The following MYO9A variants were observed in gnomAD, a reference collection of about 807,000 sequenced individuals.
The protein encoded by MYO9A is unconventional myosin-IXa.
In MYO9A, 103 loss-of-function variants were observed where a neutral mutation model predicts 293.3. The ratio of observed to expected loss-of-function variants is 0.35; its 90% CI spans 0.30 to 0.41. The LOEUF is 0.41. Among genes scored for constraint, MYO9A ranks in the 10% least tolerant of loss-of-function variants. The pLI, the probability that MYO9A is intolerant of heterozygous loss-of-function variation, is 1.00. For synonymous variants in MYO9A, 1,001 were observed against 1,035.7 expected, an observed-to-expected ratio of 0.97 and a Z score of 0.64; for missense variants, 2,685 against 3,033.0, an observed-to-expected ratio of 0.89 and a Z score of 2.69.
intron 13 of MYO9A, among the ~76,000 whole-genome samples, chr15:71,961,743 T>C (rs2075750521): frequency 6.6e-6 from 1 of 152,140 alleles, no homozygotes; most frequent in African/African-American, 2.4e-5. Context: ...ATTTTTTTTT[T>C]TAAACAAGGT....
At chr15:72,005,459 G>A (rs1367474886) in intron 8 of MYO9A, among the ~76,000 whole-genome samples, 1 of 152,162 alleles carries the variant, frequency 6.6e-6, no homozygotes, top group East Asian at 1.9e-4. Context: ...ACAATGCCCT[G>A]TCACAATACC....
chr15:72,094,173 G>C lies in MYO9A; in HGVS notation c.-72+23507C>G, dbSNP rs2080005835. Among the ~76,000 whole-genome samples, 2 of 88,664 alleles carry C rather than the reference G, an allele frequency of 2.3e-5. 1 individual carries two copies. The highest frequency in any genetic ancestry group is 6.8e-5 in the Non-Finnish European group (2 of 29,338). The allele number at this position is 88,664 out of a possible 152,430, so 58.2% of individuals were successfully genotyped here. A position where few individuals can be genotyped will look rare whatever the true frequency, so the allele number is the denominator to read the frequency against. On this transcript the variant is annotated intron_variant, in intron 1 of 41. Transcript: ENST00000356056. ...TGCAGTGAGCTATGATCACACCACT[G>C]CACTCCAGCTGGGAAACAGAGCAAG...
chr15:72,008,474 T>TGTGTGTGA lies in MYO9A; in HGVS notation c.1254-523_1254-522insTCACACAC, dbSNP rs1555403671. 3.7e-4 allele frequency among the ~76,000 whole-genome samples: 54 copies of TGTGTGTGA among 144,626 alleles called. 1 individual carries two copies. The highest frequency in any genetic ancestry group is 1.3e-3 in the African/African-American group (50 of 38,118). The allele number at this position is 144,626 out of a possible 152,430, so 94.9% of individuals were successfully genotyped here. A position where few individuals can be genotyped will look rare whatever the true frequency, so the allele number is the denominator to read the frequency against. On this transcript the variant is annotated intron_variant, in intron 7 of 41. Coordinates refer to ENST00000356056, the MANE Select transcript of MYO9A (RefSeq NM_006901.4). ...GTGTGTGTGTGTGTGTGTGTGTGTG[T>TGTGTGTGA]GAATGGGGTAAATGGGTGTGTGTGT...
intron 11 of MYO9A, among the ~76,000 whole-genome samples, chr15:71,985,241 C>T (rs2076380464): frequency 6.6e-6 from 1 of 152,018 alleles, no homozygotes; most frequent in Non-Finnish European, 1.5e-5. Context: ...GGTTTTTATT[C>T]ATGCTGGTTT....
intron 8 of MYO9A, among the ~76,000 whole-genome samples, chr15:72,004,029 A>G (rs1048409154): frequency 6.6e-5 from 10 of 152,220 alleles, no homozygotes; most frequent in Non-Finnish European, 1.5e-4. Context: ...AGATCTACGC[A>G]TACCCACACA....
At chr15:71,968,203 G>T in intron 12 of MYO9A, 78 bp from the exon 13 acceptor site, 1 of 1,214,852 alleles carries the variant, frequency 8.2e-7, no homozygotes, top group Non-Finnish European at 1.1e-6. Context: ...CCTTTTCAAA[G>T]TACATTACAA....
intron 28 of MYO9A, among the ~76,000 whole-genome samples, chr15:71,881,987 C>A (rs2056885231): frequency 6.6e-6 from 1 of 152,178 alleles, no homozygotes; most frequent in Non-Finnish European, 1.5e-5. Flanking sequence ...CATTTCTCAA[C>A]TGATAGAAGC....
intron 18 of MYO9A, among the ~76,000 whole-genome samples, chr15:71,926,709 C>T (rs996996644): frequency 6.6e-6 from 1 of 152,120 alleles, no homozygotes; most frequent in Non-Finnish European, 1.5e-5. Context: ...TGGGGAAAGC[C>T]GCCACACAAG....
chr15:71,898,072 A>G lies in MYO9A; in HGVS notation c.4431T>C (p.Ser1477=), dbSNP rs1167608965. 2.5e-6 allele frequency: 4 copies of G among 1,614,172 alleles called. No individual in the cohort carries two copies. The highest frequency in any genetic ancestry group is 1.7e-5 in the Admixed American group (1 of 60,012). The change falls in exon 25 of 42, where the codon TCT becomes TCC. Residue 1477 remains serine (S), a synonymous_variant. Coordinates refer to ENST00000356056, the MANE Select transcript of MYO9A (RefSeq NM_006901.4). The stretch of plus-strand genomic sequence containing the variant: ...CAGGATTAGAAGACTCTGTATTCAA[A>G]GAAGGAACAATCTGATCTTTTCCTG... ...HCSGKDQIVP[S]LNTESSNPVL...
chr15:72,106,144 T>C (rs1271782298), intron 1 of MYO9A, among the ~76,000 whole-genome samples: 1 of 152,002 alleles, frequency 6.6e-6, no homozygotes, highest in Non-Finnish European at 1.5e-5. Context: ...TGGTTACGTA[T>C]AGAGGAGTGA....
At chr15:72,074,335 C>T (rs2150230866) in intron 1 of MYO9A, among the ~76,000 whole-genome samples, 1 of 152,132 alleles carries the variant, frequency 6.6e-6, no homozygotes, top group East Asian at 1.9e-4. Context: ...GGGAGAATCA[C>T]TCCACTATAT....
At chr15:71,899,588 A>G in intron 24 of MYO9A, 99 bp downstream of exon 24, 1 of 1,080,126 alleles carries the variant, frequency 9.3e-7, no homozygotes, top group Non-Finnish European at 1.3e-6. Flanking sequence ...AATTGTATAC[A>G]ACCAATTCTA....
chr15:71,937,119 T>C (rs1033995766), intron 16 of MYO9A, among the ~76,000 whole-genome samples: 8 of 151,910 alleles, frequency 5.3e-5, no homozygotes, highest in African/African-American at 1.9e-4. Context: ...AGTGTTGAAA[T>C]GACAACATAT....
intron 12 of MYO9A, among the ~76,000 whole-genome samples, chr15:71,974,113 A>G (rs2076079494): frequency 6.6e-6 from 1 of 151,892 alleles, no homozygotes; most frequent in South Asian, 2.1e-4. Context: ...AAAACAAACA[A>G]ACAAACAAAA....
At chr15:71,966,230 A>C (rs186888402) in intron 13 of MYO9A, among the ~76,000 whole-genome samples, 66 of 146,284 alleles carry the variant, frequency 4.5e-4, no homozygotes, top group Non-Finnish European at 2.1e-4. Flanking sequence ...TTTTACTTTC[A>C]ACCTATCTGA....
intron 18 of MYO9A, among the ~76,000 whole-genome samples, chr15:71,923,811 C>T (rs1304779855): frequency 2.6e-5 from 4 of 152,010 alleles, no homozygotes; most frequent in Non-Finnish European, 5.9e-5. Flanking sequence ...ATTTCATTAA[C>T]GTTTTGTATT....
At chr15:71,958,372 G>A (rs1333326756) in intron 14 of MYO9A, 2 of 152,150 alleles carry the variant, frequency 1.3e-5, no homozygotes, top group African/African-American at 4.8e-5. Context: ...AAAGAGAGTA[G>A]GTAGGAAGCG....
chr15:72,090,056 G>A (rs773210028), intron 1 of MYO9A, among the ~76,000 whole-genome samples: 40 of 152,286 alleles, frequency 2.6e-4, no homozygotes, highest in Middle Eastern at 3.4e-3. Context: ...AAATAAAAGT[G>A]CAAGTTAATC....
intron 30 of MYO9A, among the ~76,000 whole-genome samples, chr15:71,878,740 ATTTTTTTTTTT>A (rs200866619): frequency 4.6e-5 from 5 of 108,646 alleles, no homozygotes; most frequent in Non-Finnish European, 5.4e-5. Context: ...GAGATCTGGA[ATTTTTTTTTTT>A]TTTTTTTTTT....
Sources: gnomAD v4.1 joint callset for allele counts (sites outside exome capture counted in the v4.1 genomes callset) on GRCh38, gnomAD v4.1.1 for gene constraint, MANE v1.5 for transcripts, NCBI Gene and HGNC (gene_info 2026-07-23, HGNC 2026-07-21) for gene names.